The following FAM228B variants were observed in gnomAD, a reference collection of about 807,000 sequenced individuals.
The protein encoded by FAM228B is protein FAM228B.
FAM228B carries 38 observed loss-of-function variants against 42.6 expected under a neutral mutation model. The ratio of observed to expected loss-of-function variants is 0.89; its 90% CI spans 0.69 to 1.17. The LOEUF is 1.17. FAM228B is among the 50% of genes most tolerant of loss of function. The pLI is 0.00. For synonymous variants in FAM228B, 109 were observed against 122.3 expected, an observed-to-expected ratio of 0.89 and a Z score of 0.72; for missense variants, 344 against 367.3, an observed-to-expected ratio of 0.94 and a Z score of 0.52.
chr2:24,094,147 C>G (rs969786366), intron 2 of FAM228B, among the ~76,000 whole-genome samples: 19 of 150,042 alleles, frequency 1.3e-4, no homozygotes, highest in African/African-American at 4.2e-4. Flanking sequence ...TCAAGTGATC[C>G]TCCTGCCCCA....
chr2:24,090,159 T>C (rs1305367097), intron 2 of FAM228B, among the ~76,000 whole-genome samples: 1 of 150,560 alleles, frequency 6.6e-6, no homozygotes, highest in Non-Finnish European at 1.5e-5. Context: ...TCCCAGTTAC[T>C]CGGGAGGTTG....
chr2:24,097,242 A>G (rs1297067377), intron 3 of FAM228B: 1 of 152,156 alleles, frequency 6.6e-6, no homozygotes, highest in East Asian at 1.9e-4. Context: ...ACCAGCGAAC[A>G]TCATAATGAC....
chr2:24,149,168 C>G (rs1666964787), intron 7 of FAM228B, among the ~76,000 whole-genome samples: 1 of 152,216 alleles, frequency 6.6e-6, no homozygotes, highest in Admixed American at 6.5e-5. Flanking sequence ...CTAATGTGAA[C>G]AATGCTGCAG....
At chr2:24,120,288 A>G (rs993719273), upstream of FAM228B, among the ~76,000 whole-genome samples, 4 of 151,318 alleles carry the variant, frequency 2.6e-5, no homozygotes, top group Non-Finnish European at 5.9e-5. Flanking sequence ...AACAACAACA[A>G]AACAAAACAA....
At chr2:24,126,379 A>G (rs1666308714) in intron 2 of FAM228B, among the ~76,000 whole-genome samples, 2 of 152,214 alleles carry the variant, frequency 1.3e-5, no homozygotes, top group Non-Finnish European at 2.9e-5. Context: ...AACTCAAGAC[A>G]TTTTAAAAAG....
At chr2:24,083,546 C>T (rs1665109573) in intron 2 of FAM228B, among the ~76,000 whole-genome samples, 1 of 152,156 alleles carries the variant, frequency 6.6e-6, no homozygotes, top group African/African-American at 2.4e-5. Flanking sequence ...GGGACTTAAC[C>T]AGGAGTGTGT....
In FAM228B at chr2:24,146,919, T is replaced by C. The variant is rs1476639461; in HGVS notation, c.530-11T>C. 5 of 1,549,880 alleles carry C rather than the reference T, an allele frequency of 3.2e-6. No homozygotes were observed. The highest frequency in any genetic ancestry group is 4.4e-6 in the Non-Finnish European group (5 of 1,145,658). ...TAAGGATGTTAATTTAGATTTTTATTCTTCCTTCAGGCAAAATATATTCAA... is the reference window on the plus strand; with the variant it reads ...TAAGGATGTTAATTTAGATTTTTATCCTTCCTTCAGGCAAAATATATTCAA... On this transcript the variant is annotated splice_polypyrimidine_tract_variant and intron_variant, in intron 6 of 10. Coordinates refer to ENST00000615575, the MANE Select transcript of FAM228B (RefSeq NM_001145710.2).
At chr2:24,158,300 A>G (rs1032282414) in intron 7 of FAM228B, among the ~76,000 whole-genome samples, 4 of 144,508 alleles carry the variant, frequency 2.8e-5, no homozygotes, top group Non-Finnish European at 3.0e-5. Flanking sequence ...TCCTGTTTAC[A>G]CTAGGCCGTA....
chr2:24,108,910 A>G (rs1404062608), intron 3 of FAM228B, among the ~76,000 whole-genome samples: 1 of 151,848 alleles, frequency 6.6e-6, no homozygotes, highest in Non-Finnish European at 1.5e-5. Context: ...CAAAAAAAAA[A>G]AAAAAAGAAA....
At chr2:24,167,874 G>T (rs1667464374) in intron 10 of FAM228B, 191 bp downstream of exon 10, 2 of 590,666 alleles carry the variant, frequency 3.4e-6, no homozygotes, top group Non-Finnish European at 5.5e-6. Context: ...GGCTTGGCAG[G>T]GGTTTGAAGC....
chr2:24,096,007 C>G (rs543404515), intron 3 of FAM228B: 60 of 152,430 alleles, frequency 3.9e-4, no homozygotes, highest in African/African-American at 1.4e-3. Flanking sequence ...GGTGGACCTC[C>G]AGCAAACTCC....
At chr2:24,137,463 G>A (rs2151018968) in intron 3 of FAM228B, among the ~76,000 whole-genome samples, 1 of 152,182 alleles carries the variant, frequency 6.6e-6, no homozygotes, top group East Asian at 1.9e-4. Flanking sequence ...TATACATCTT[G>A]CTATATTCCC....
In FAM228B at chr2:24,155,504, C is replaced by CTTATATATATATATATAT. The variant is rs1216710906; in HGVS notation, c.687-6002_687-6001insTTATATATATATATATAT. On this transcript the variant is annotated intron_variant, in intron 7 of 10. Coordinates refer to ENST00000615575, the MANE Select transcript of FAM228B (RefSeq NM_001145710.2). ...GTGCCAGAAGTCATTGAAGACCATG[C>CTTATATATATATATATAT]ATATATATATATATATATATATATA... 3.9e-4 allele frequency among the ~76,000 whole-genome samples: 14 copies of CTTATATATATATATATAT among 35,908 alleles called. 2 individuals are homozygous for CTTATATATATATATATAT. Among genetic ancestry groups the CTTATATATATATATATAT allele is most frequent in the Non-Finnish European group, 6.5e-4 (12 of 18,362 alleles). 23.6% of individuals were successfully genotyped at this position (35,908 alleles called of 152,430 possible).
At chr2:24,161,925 C>G (rs1667296144) in intron 8 of FAM228B, among the ~76,000 whole-genome samples, 1 of 152,158 alleles carries the variant, frequency 6.6e-6, no homozygotes, top group African/African-American at 2.4e-5. Context: ...ATGGTGAAAC[C>G]CTGTCTCTAC....
intron 3 of FAM228B, among the ~76,000 whole-genome samples, chr2:24,107,736 C>T (rs1467533021): frequency 3.9e-5 from 6 of 152,062 alleles, no homozygotes; most frequent in African/African-American, 1.4e-4. Flanking sequence ...CTAATGAGAA[C>T]AAAGATATGA....
intron 3 of FAM228B, among the ~76,000 whole-genome samples, chr2:24,114,683 C>A (rs1272331551): frequency 6.6e-6 from 1 of 152,072 alleles, no homozygotes; most frequent in Non-Finnish European, 1.5e-5. Context: ...GTATACCAAC[C>A]AGGCTGGCCT....
chr2:24,092,575 A>G (rs759761333), intron 2 of FAM228B, among the ~76,000 whole-genome samples: 48 of 152,210 alleles, frequency 3.2e-4, no homozygotes, highest in Non-Finnish European at 5.1e-4. Flanking sequence ...CCCTGTCTCC[A>G]TAAAAAAAAG....
intron 5 of FAM228B, among the ~76,000 whole-genome samples, chr2:24,142,962 C>A (rs1184637066): frequency 1.3e-5 from 2 of 152,006 alleles, no homozygotes; most frequent in Non-Finnish European, 2.9e-5. Context: ...CAAAATTACG[C>A]GTGGGAAAAA....
chr2:24,079,927 C>G (rs978876845), intron 1 of FAM228B, among the ~76,000 whole-genome samples: 2 of 152,152 alleles, frequency 1.3e-5, no homozygotes, highest in African/African-American at 4.8e-5. Context: ...CCACTGACAC[C>G]CAGGCACGAT....
Sources: gnomAD v4.1 joint callset for allele counts (sites outside exome capture counted in the v4.1 genomes callset) on GRCh38, gnomAD v4.1.1 for gene constraint, MANE v1.5 for transcripts, NCBI Gene and HGNC (gene_info 2026-07-23, HGNC 2026-07-21) for gene names.